The following NALF1 variants were observed in gnomAD, a reference collection of about 807,000 sequenced individuals.
NALF1 encodes family with sequence similarity 155 member A.
Under a neutral mutation model 48.4 loss-of-function variants are expected in NALF1, and 3 were observed. The ratio of observed to expected loss-of-function variants is 0.06; its 90% CI spans 0.03 to 0.16. NALF1 has a LOEUF of 0.16. Ranked by LOEUF, NALF1 falls within the 10% of genes least tolerant of loss-of-function variation. NALF1 has a pLI of 1.00. For synonymous variants in NALF1, 262 were observed against 245.7 expected, an observed-to-expected ratio of 1.07 and a Z score of -0.62; for missense variants, 526 against 571.5, an observed-to-expected ratio of 0.92 and a Z score of 0.81.
At chr13:107,280,229 T>C (rs1170884734) in intron 1 of NALF1, among the ~76,000 whole-genome samples, 2 of 152,326 alleles carry the variant, frequency 1.3e-5, no homozygotes, top group Admixed American at 6.5e-5. Flanking sequence ...CTTCCCTCTT[T>C]ACTCCATAGG....
chr13:107,196,090 A>G (rs1213490303), intron 2 of NALF1, among the ~76,000 whole-genome samples: 2 of 152,212 alleles, frequency 1.3e-5, no homozygotes, highest in African/African-American at 4.8e-5. Flanking sequence ...TATAAGTGGG[A>G]GCTAAATGAT....
rs1405218917 is a variant in NALF1 at position 107,258,469 on chromosome 13, A to ACC, written c.916-47715_916-47714insGG. Among the ~76,000 whole-genome samples the ACC allele has an allele frequency of 2.0e-5, 3 of 152,324 alleles. No homozygotes were observed. The East Asian group carries it at 5.8e-4, about 29-fold the overall frequency. On this transcript the variant is annotated intron_variant, in intron 1 of 2. Transcript: ENST00000375915. ...GTAATGGCCTCTGAGTCAAAAGTTC[A>ACC]TAATTAGTTGGTAAGATTGGTCAAA... is the stretch of plus-strand genomic sequence containing the variant.
intron 1 of NALF1, among the ~76,000 whole-genome samples, chr13:107,772,218 T>G (rs1014905217): frequency 6.6e-6 from 1 of 152,132 alleles, no homozygotes; most frequent in Non-Finnish European, 1.5e-5. Context: ...GTAGCTACAC[T>G]TTGGCTACTT....
intron 1 of NALF1, among the ~76,000 whole-genome samples, chr13:107,854,830 C>T (rs989582993): frequency 1.8e-4 from 27 of 149,182 alleles, no homozygotes; most frequent in Non-Finnish European, 3.2e-4. Flanking sequence ...GCCAAGATGG[C>T]GCCACTGCAC....
intron 1 of NALF1, among the ~76,000 whole-genome samples, chr13:107,236,164 T>C (rs1176731281): frequency 1.3e-5 from 2 of 152,126 alleles, no homozygotes. Flanking sequence ...CCCTATGGCC[T>C]GCTATTGTTG....
At chr13:107,462,917 T>G (rs898253298) in intron 1 of NALF1, among the ~76,000 whole-genome samples, 3 of 152,228 alleles carry the variant, frequency 2.0e-5, no homozygotes, top group Non-Finnish European at 4.4e-5. Flanking sequence ...ACCACAATCA[T>G]CAGCAGCATA....
At chr13:107,597,301 C>T (rs557394803) in intron 1 of NALF1, among the ~76,000 whole-genome samples, 38 of 152,204 alleles carry the variant, frequency 2.5e-4, no homozygotes, top group African/African-American at 6.3e-4. Context: ...TACTCGCACA[C>T]GTACACACAT....
chr13:107,172,646 C>CT (rs966107093), intron 2 of NALF1, among the ~76,000 whole-genome samples: 2 of 151,958 alleles, frequency 1.3e-5, no homozygotes, highest in African/African-American at 4.8e-5. Flanking sequence ...ATGATATTTT[C>CT]TTTTTTCATA....
At chr13:107,269,630 A>G (rs1439276198) in intron 1 of NALF1, among the ~76,000 whole-genome samples, 1 of 152,036 alleles carries the variant, frequency 6.6e-6, no homozygotes, top group Non-Finnish European at 1.5e-5. Context: ...TTTCCCCATT[A>G]TATTGTACTC....
At chr13:107,383,175 A>T (rs757021039) in intron 1 of NALF1, among the ~76,000 whole-genome samples, 5 of 152,210 alleles carry the variant, frequency 3.3e-5, no homozygotes, top group African/African-American at 4.8e-5. Context: ...CATAAAAGTG[A>T]ATTTACCTCA....
At chr13:107,358,017 AT>A (rs1442952187) in intron 1 of NALF1, among the ~76,000 whole-genome samples, 1 of 152,196 alleles carries the variant, frequency 6.6e-6, no homozygotes, top group Non-Finnish European at 1.5e-5. Flanking sequence ...CAATAAATAA[AT>A]GACTACATGT....
chr13:107,836,288 G>T (rs1879887130), intron 1 of NALF1, among the ~76,000 whole-genome samples: 1 of 152,094 alleles, frequency 6.6e-6, no homozygotes, highest in Admixed American at 6.6e-5. Flanking sequence ...ACCATGCCTG[G>T]CCTAGTCTGA....
intron 1 of NALF1, among the ~76,000 whole-genome samples, chr13:107,760,742 C>G (rs1472137437): frequency 6.6e-6 from 1 of 152,144 alleles, no homozygotes; most frequent in Non-Finnish European, 1.5e-5. Flanking sequence ...TGTTAGCATT[C>G]GGTAACAGGA....
intron 1 of NALF1, among the ~76,000 whole-genome samples, chr13:107,454,021 C>T (rs2139037489): frequency 6.6e-6 from 1 of 152,320 alleles, no homozygotes; most frequent in Admixed American, 6.5e-5. Context: ...TTACCTCCAT[C>T]ACAGACCACC....
intron 1 of NALF1, among the ~76,000 whole-genome samples, chr13:107,791,991 CTA>C (rs1878256802): frequency 6.6e-6 from 1 of 152,042 alleles, no homozygotes; most frequent in African/African-American, 2.4e-5. Flanking sequence ...TACAAATTTG[CTA>C]TGTTTTAAGT....
intron 1 of NALF1, among the ~76,000 whole-genome samples, chr13:107,226,391 A>G (rs541224187): frequency 2.0e-5 from 3 of 152,344 alleles, no homozygotes; most frequent in Admixed American, 2.0e-4. Context: ...CTATACATTT[A>G]TTAGAATGTG....
intron 1 of NALF1, among the ~76,000 whole-genome samples, chr13:107,224,856 C>T (rs980902639): frequency 1.6e-4 from 24 of 151,962 alleles, no homozygotes; most frequent in African/African-American, 5.6e-4. Context: ...TGAGAGTCTC[C>T]ACAGCTAATA....
Position 107,176,967 on chromosome 13 carries a change from G to A in NALF1, c.1088-6181C>T, listed in dbSNP as rs183593527. On this transcript the variant is annotated intron_variant, in intron 2 of 2. Coordinates refer to ENST00000375915, the MANE Select transcript of NALF1 (RefSeq NM_001080396.3). Reference sequence around the variant, plus strand: ...CCCCAAATGTCATAATTTCATATATGGGAAAAACTAAAAACTCCACCAAAA... The same window carrying A: ...CCCCAAATGTCATAATTTCATATATAGGAAAAACTAAAAACTCCACCAAAA... Among the ~76,000 whole-genome samples, 369 of 151,332 alleles carry A rather than the reference G, an allele frequency of 2.4e-3. 1 individual carries two copies. The highest frequency in any genetic ancestry group is 8.9e-3 in the Admixed American group (135 of 15,228).
At chr13:107,340,901 A>C (rs1882668019) in intron 1 of NALF1, among the ~76,000 whole-genome samples, 1 of 152,212 alleles carries the variant, frequency 6.6e-6, no homozygotes, top group Non-Finnish European at 1.5e-5. Flanking sequence ...ATATGATCAC[A>C]GTCCTGCAGC....
Sources: allele counts gnomAD v4.1 joint callset (sites outside exome capture counted in the v4.1 genomes callset), GRCh38; gene constraint gnomAD v4.1.1; transcripts MANE v1.5; gene names NCBI Gene and HGNC (gene_info 2026-07-23, HGNC 2026-07-21).